The following KMT2C variants were observed in gnomAD, a reference collection of about 807,000 sequenced individuals.
KMT2C encodes lysine methyltransferase 2C.
KMT2C carries 88 observed loss-of-function variants against 507.9 expected under a neutral mutation model. That is an observed-to-expected ratio of 0.17 (90% CI 0.15 to 0.21). KMT2C has a LOEUF of 0.21. Ranked by LOEUF, KMT2C falls within the 10% of genes least tolerant of loss-of-function variation. The pLI is 1.00. For missense variants in KMT2C, 4,954 were observed against 5,957.8 expected (o/e 0.83, Z 5.55); for synonymous variants, 2,049 against 2,080.8 (o/e 0.98, Z 0.42).
intron 9 of KMT2C, among the ~76,000 whole-genome samples, chr7:152,255,388 A>G (rs1331412698): frequency 6.6e-6 from 1 of 151,168 alleles, no homozygotes; most frequent in Non-Finnish European, 1.5e-5. Flanking sequence ...TTTGTCTCAA[A>G]CTCCTGAGCT....
intron 3 of KMT2C, 142 bp downstream of exon 3, chr7:152,330,459 T>A (rs951238422): frequency 2.6e-6 from 2 of 762,726 alleles, no homozygotes; most frequent in East Asian, 5.0e-5. Context: ...CACAGAGGTA[T>A]CAGCTTCAAA....
At chr7:152,343,830 G>T in intron 2 of KMT2C, among the ~76,000 whole-genome samples, 1 of 152,046 alleles carries the variant, frequency 6.6e-6, no homozygotes. Context: ...AAAAGTGAAG[G>T]CTTTCTCAGG....
rs1396400852 is a variant in KMT2C at position 152,418,047 on chromosome 7, A to G, written c.161+17579T>C. ...GGCTCACTGCAACCTTTGCCTCGAT[A>G]CTCCTTCCTTAGCTTCCCAAGTAGC... is the stretch of plus-strand genomic sequence containing the variant. On this transcript the variant is annotated intron_variant, in intron 1 of 58. Coordinates refer to ENST00000262189, the MANE Select transcript of KMT2C (RefSeq NM_170606.3). Among the ~76,000 whole-genome samples, 5 of 147,054 alleles carry G rather than the reference A, an allele frequency of 3.4e-5. No individual in the cohort carries two copies. The South Asian group carries it at 8.7e-4, about 26-fold the overall frequency.
At chr7:152,343,680 CA>C (rs2097022908) in intron 2 of KMT2C, among the ~76,000 whole-genome samples, 1 of 151,800 alleles carries the variant, frequency 6.6e-6, no homozygotes, top group South Asian at 2.1e-4. Context: ...TAAAAGAGGT[CA>C]GAGGGAAAAA....
rs1476322890 is a variant in KMT2C at position 152,248,294 on chromosome 7, G to C, written c.2140C>G (p.Gln714Glu). The change falls in exon 14 of 59, where the codon CAG becomes GAG. Residue 714 changes from glutamine to glutamate, a missense_variant. Coordinates refer to ENST00000262189, the MANE Select transcript of KMT2C (RefSeq NM_170606.3). Reference sequence around the variant, plus strand: ...CCTTGTAGCCTTTCTATAACCAACTGTTCCTCAGGACATAATGAAATACTT... The same window carrying C: ...CCTTGTAGCCTTTCTATAACCAACTCTTCCTCAGGACATAATGAAATACTT... ...EESISLCPEE[Q>E]LVIERLQGEK... The C allele has an allele frequency of 1.2e-6, 2 of 1,613,814 alleles. No individual in the cohort carries two copies. The highest frequency in any genetic ancestry group is 1.7e-6 in the Non-Finnish European group (2 of 1,179,774).
intron 7 of KMT2C, among the ~76,000 whole-genome samples, chr7:152,268,816 A>G (rs1177678333): frequency 6.6e-6 from 1 of 152,190 alleles, no homozygotes; most frequent in South Asian, 2.1e-4. Flanking sequence ...GAAACTTTCT[A>G]GAGTTTGCTC....
chr7:152,403,622 AC>A (rs1342482317), intron 1 of KMT2C, among the ~76,000 whole-genome samples: 402 of 135,894 alleles, frequency 3.0e-3, no homozygotes, highest in Admixed American at 4.5e-3. Flanking sequence ...CTGCACTCGT[AC>A]CTTTATCACA....
In KMT2C at chr7:152,300,474, G is replaced by A. The variant is rs573739335; in HGVS notation, c.849+9492C>T. Among the ~76,000 whole-genome samples, 45 of 152,310 alleles carry A rather than the reference G, an allele frequency of 3.0e-4. 1 individual carries two copies. The highest frequency in any genetic ancestry group is 1.0e-3 in the African/African-American group (43 of 41,576). On this transcript the variant is annotated intron_variant, in intron 6 of 58. Transcript: ENST00000262189. ...CTGTGTTTCTTGGGCAGTCACATAT[G>A]TTGTTGTATTTTCGTTAAGGGGGAA... is the stretch of plus-strand genomic sequence containing the variant.
chr7:152,340,477 G>C (rs930560844), intron 2 of KMT2C, among the ~76,000 whole-genome samples: 6 of 152,026 alleles, frequency 3.9e-5, no homozygotes, highest in African/African-American at 9.7e-5. Context: ...ATATCTCATT[G>C]AATCTAGTGT....
chr7:152,278,384 G>A (rs938683295), intron 6 of KMT2C, among the ~76,000 whole-genome samples: 2 of 151,998 alleles, frequency 1.3e-5, no homozygotes, highest in Admixed American at 1.3e-4. Flanking sequence ...AGGTTCAAGC[G>A]ATTCTCCTGC....
At chr7:152,285,272 A>G (rs1588904066) in intron 6 of KMT2C, among the ~76,000 whole-genome samples, 1 of 152,284 alleles carries the variant, frequency 6.6e-6, no homozygotes. Flanking sequence ...GCAAAACTAT[A>G]GGAAAGCAAC....
chr7:152,233,085 T>C (rs1420896916), intron 16 of KMT2C, among the ~76,000 whole-genome samples: 3 of 152,126 alleles, frequency 2.0e-5, no homozygotes, highest in Non-Finnish European at 2.9e-5. Flanking sequence ...ACAATGTCCC[T>C]AGATTCAAGT....
chr7:152,257,539 A>C (rs1253769297), intron 9 of KMT2C, among the ~76,000 whole-genome samples: 1 of 152,196 alleles, frequency 6.6e-6, no homozygotes, highest in Admixed American at 6.5e-5. Flanking sequence ...ACTGAGAGCA[A>C]ACTGAAGCAG....
chr7:152,391,241 GTTTGTTTT>G (rs1013871710), intron 1 of KMT2C, among the ~76,000 whole-genome samples: 3 of 125,904 alleles, frequency 2.4e-5, no homozygotes, highest in Admixed American at 8.2e-5. Context: ...TTTGTTTTTT[GTTTGTTTT>G]TTTGTTTTTG....
chr7:152,148,596 G>T lies in KMT2C; in HGVS notation c.13331C>A (p.Ala4444Asp), dbSNP rs1234293972. ...TAGCTCCACATTTATTAAGGCACCA[G>T]CCTGAGTCTCATAGACCTCCGTGGA... ...LWSTEVYETQ[A>D]GALINVELAL... The change falls in exon 52 of 59, where the codon GCT becomes GAT. Residue 4444 changes from alanine to aspartate, a missense_variant. Ala to Asp is a moderately radical substitution (Grantham distance 126, BLOSUM62 -2). This residue lies in a region of KMT2C where 39 missense variants were observed against 101.8 expected (regional missense o/e 0.38). Coordinates refer to ENST00000262189, the MANE Select transcript of KMT2C (RefSeq NM_170606.3). This position sits in a 1 kb window ranked among gnomAD's most constrained non-coding sequence, Gnocchi z 7.1. 1.2e-6 allele frequency: 2 copies of T among 1,614,210 alleles called. No individual in the cohort carries two copies. Among genetic ancestry groups the T allele is most frequent in the Non-Finnish European group, 1.7e-6 (2 of 1,180,032 alleles).
intron 2 of KMT2C, among the ~76,000 whole-genome samples, chr7:152,353,322 G>A (rs1170723301): frequency 1.3e-5 from 2 of 152,144 alleles, no homozygotes; most frequent in East Asian, 1.9e-4. Context: ...CTACTCGGGA[G>A]GCTGAGGCAG....
intron 14 of KMT2C, among the ~76,000 whole-genome samples, chr7:152,246,503 T>A (rs2095476262): frequency 6.6e-6 from 1 of 152,088 alleles, no homozygotes; most frequent in Non-Finnish European, 1.5e-5. Flanking sequence ...TGAACCTGGT[T>A]TCTCAATTGA....
At chr7:152,343,226 T>C (rs2097015739) in intron 2 of KMT2C, among the ~76,000 whole-genome samples, 1 of 152,222 alleles carries the variant, frequency 6.6e-6, no homozygotes. Context: ...CTAACGGTTC[T>C]AATGGATAAA....
intron 2 of KMT2C, among the ~76,000 whole-genome samples, chr7:152,352,445 C>T (rs1202422392): frequency 1.3e-5 from 2 of 152,104 alleles, no homozygotes; most frequent in Admixed American, 6.5e-5. Context: ...GTGACCCACA[C>T]CCTATTCATA....
Sources: allele counts gnomAD v4.1 joint callset (sites outside exome capture counted in the v4.1 genomes callset), GRCh38; gene constraint gnomAD v4.1.1; regional missense constraint gnomAD v4.1.1; non-coding constraint Gnocchi (gnomAD v3.1); transcripts MANE v1.5; gene names NCBI Gene and HGNC (gene_info 2026-07-23, HGNC 2026-07-21).